The following PNPLA7 variants were observed in gnomAD, a reference collection of about 807,000 sequenced individuals.
The protein encoded by PNPLA7 is patatin like domain 7, lysophospholipase, also known as patatin-like phospholipase domain-containing protein 7.
Under a neutral mutation model 161.7 loss-of-function variants are expected in PNPLA7, and 153 were observed. The observed-to-expected ratio is 0.95, with a 90% CI of 0.83 to 1.08. The LOEUF is 1.08. Ranked by LOEUF, PNPLA7 falls within the 50% of genes least tolerant of loss-of-function variation. PNPLA7 has a pLI of 0.00. For missense variants in PNPLA7, 1,739 were observed against 1,856.6 expected, an observed-to-expected ratio of 0.94 and a Z score of 1.16; for synonymous variants, 809 against 782.1, an observed-to-expected ratio of 1.03 and a Z score of -0.57.
Position 137,480,970 on chromosome 9 carries a change from C to A in PNPLA7, c.2401G>T (p.Ala801Ser). The A allele has an allele frequency of 6.4e-7, 1 of 1,551,562 alleles. No individual in the cohort carries two copies. Among genetic ancestry groups the A allele is most frequent in the Non-Finnish European group, 8.7e-7 (1 of 1,146,938 alleles). ...GCTGGCGGCACGCACCTGTCCAGGG[C>A]AGCGGAGCCAAGGCGCCGTTTTATG... ...DNIKRRLGSAALDSVHEYRLS... is the reference protein window; with the variant it reads ...DNIKRRLGSASLDSVHEYRLS... The change falls in exon 22 of 35, where the codon GCC (alanine) becomes TCC (serine). Residue 801 changes from alanine (A) to serine (S), a missense_variant. By Grantham distance (99) the Ala-to-Ser change is moderately conservative. This residue lies in a region of PNPLA7 where 192 missense variants were observed against 249.5 expected (regional missense o/e 0.77). Coordinates refer to ENST00000406427, the MANE Select transcript of PNPLA7 (RefSeq NM_001098537.3).
At chr9:137,515,683 C>T (rs1834500502) in intron 11 of PNPLA7, among the ~76,000 whole-genome samples, 164 bp from the exon 12 acceptor site, 1 of 151,602 alleles carries the variant, frequency 6.6e-6, no homozygotes, top group African/African-American at 2.4e-5. Context: ...TCTGCCGGGC[C>T]AGCAGGTGAG....
At chr9:137,491,534 A>C (rs1832762958) in intron 20 of PNPLA7, 3 of 985,254 alleles carry the variant, frequency 3.0e-6, no homozygotes, top group Non-Finnish European at 3.6e-6. Flanking sequence ...TGTCCCCCAA[A>C]ATTCACAGTG....
intron 8 of PNPLA7, among the ~76,000 whole-genome samples, chr9:137,534,523 C>T (rs1333853943): frequency 6.6e-6 from 1 of 152,246 alleles, no homozygotes; most frequent in Non-Finnish European, 1.5e-5. Flanking sequence ...CAACCCAGTG[C>T]CACCACAGCA....
intron 8 of PNPLA7, among the ~76,000 whole-genome samples, chr9:137,527,293 AAAAAAAC>A (rs1835351537): frequency 1.5e-5 from 2 of 131,272 alleles, no homozygotes; most frequent in Admixed American, 7.3e-5. Flanking sequence ...ACAAAAAAAC[AAAAAAAC>A]AAAAAAAAAC....
At chr9:137,479,415 G>A in intron 23 of PNPLA7, 177 bp from the exon 24 acceptor site, 1 of 1,306,216 alleles carries the variant, frequency 7.7e-7, no homozygotes, top group Non-Finnish European at 9.7e-7. Context: ...TCTGACGGCA[G>A]GGGTCCATCC....
At chr9:137,463,068 G>A in intron 29 of PNPLA7, 3 of 636,766 alleles carry the variant, frequency 4.7e-6, no homozygotes, top group Non-Finnish European at 8.0e-6. Flanking sequence ...GGCCTGGCCT[G>A]GCCCCCAGCA....
At chr9:137,515,556 C>T (rs765915389) in intron 11 of PNPLA7, 37 bp from the exon 12 acceptor site, 20 of 1,500,250 alleles carry the variant, frequency 1.3e-5, no homozygotes, top group East Asian at 4.7e-5. Context: ...CTTGTTTGCA[C>T]GCACTCCCTG....
intron 26 of PNPLA7, among the ~76,000 whole-genome samples, chr9:137,466,821 A>G (rs56231361): frequency 0.028 from 2,818 of 101,904 alleles, 131 homozygotes; most frequent in African/African-American, 0.092. Context: ...GGATCAGACC[A>G]CCTCCCACCA....
intron 17 of PNPLA7, among the ~76,000 whole-genome samples, 167 bp downstream of exon 17, chr9:137,497,947 G>A (rs1223346659): frequency 6.6e-6 from 1 of 152,400 alleles, no homozygotes; most frequent in East Asian, 1.9e-4. Flanking sequence ...GCCACGAAGT[G>A]TGTTTCCGAG....
At position 137,515,427 on chromosome 9, in the gene PNPLA7, C is replaced by G; in HGVS notation, c.1177G>C (p.Glu393Gln). 6.2e-7 allele frequency: 1 copy of G among 1,604,094 alleles called. No individual in the cohort carries two copies. ...TCACCTGCCCCGGGCTTCTCCAGCTCCTCCAAGATCTGTTTGCGAATGGAA... is the reference window on the plus strand; with the variant it reads ...TCACCTGCCCCGGGCTTCTCCAGCTGCTCCAAGATCTGTTTGCGAATGGAA... The part of the protein sequence containing the change: ...APSIRKQILE[E>Q]LEKPGAGDPD... The change falls in exon 12 of 35, where the codon GAG becomes CAG. Residue 393 changes from glutamate to glutamine, a missense_variant. By Grantham distance (29) the Glu-to-Gln change is conservative. This residue lies in a region of PNPLA7 where 481 missense variants were observed against 450.0 expected (regional missense o/e 1.07). Transcript: ENST00000406427.
In PNPLA7 at chr9:137,461,644, C is replaced by A; in HGVS notation, c.3757-24G>T. 2.5e-6 allele frequency: 4 copies of A among 1,570,322 alleles called. No homozygotes were observed. The South Asian group carries it at 4.6e-5, about 18-fold the overall frequency. On this transcript the variant is annotated intron_variant, in intron 32 of 34. Transcript: ENST00000406427. ...ACCTAGGGGTGGGGTGAGGACAGCA[C>A]GTTGCCTGTGGACACCCGCCTGCCA...
In PNPLA7 at chr9:137,490,316, C is replaced by T. The variant is rs1474412169; in HGVS notation, c.2197+2697G>A. Among the ~76,000 whole-genome samples, 7 of 152,232 alleles carry T rather than the reference C, an allele frequency of 4.6e-5. No homozygotes were observed. Among genetic ancestry groups the T allele is most frequent in the African/African-American group, 1.4e-4 (6 of 41,522 alleles). On this transcript the variant is annotated intron_variant, in intron 20 of 34. Transcript: ENST00000406427. This position sits in a 1 kb window ranked among gnomAD's most constrained non-coding sequence, Gnocchi z 4.1. ...CTCACTATGTTGCCCGGGCTGGTCT[C>T]GAACTCTTGGGCTCAAATAATCCTC...
At chr9:137,509,931 T>C in intron 12 of PNPLA7, 1 of 326,692 alleles carries the variant, frequency 3.1e-6, no homozygotes, top group South Asian at 2.5e-5. Flanking sequence ...TTTATCCCAA[T>C]ATTATAATAA....
Position 137,500,494 on chromosome 9 carries a change from G to A in PNPLA7, c.1757+197C>T, listed in dbSNP as rs560156867. 1.1e-4 allele frequency among the ~76,000 whole-genome samples: 16 copies of A among 152,286 alleles called. No homozygotes were observed. The South Asian group carries it at 2.1e-3, about 20-fold the overall frequency. ...ACGGCCGTGCGAAGCTGATCGCTGCGGGCAGGTGGGGTCGGCTGACTGAGC... is the reference window on the plus strand; with the variant it reads ...ACGGCCGTGCGAAGCTGATCGCTGCAGGCAGGTGGGGTCGGCTGACTGAGC... On this transcript the variant is annotated intron_variant, in intron 16 of 34. Transcript: ENST00000406427. The surrounding 1 kb of genome is among the most constrained non-coding windows in gnomAD (Gnocchi z 5.5).
At chr9:137,465,981 T>A (rs1235934812) in intron 26 of PNPLA7, among the ~76,000 whole-genome samples, 1 of 152,184 alleles carries the variant, frequency 6.6e-6, no homozygotes, top group Non-Finnish European at 1.5e-5. Flanking sequence ...AATCCATTTA[T>A]CACAAGGCCA....
chr9:137,523,382 AGG>A lies in PNPLA7; in HGVS notation c.748-527_748-526del, dbSNP rs1296858883. 1.3e-5 allele frequency among the ~76,000 whole-genome samples: 2 copies of A among 152,128 alleles called. No individual in the cohort carries two copies. The highest frequency in any genetic ancestry group is 2.9e-5 in the Non-Finnish European group (2 of 68,020). On this transcript the variant is annotated intron_variant, in intron 8 of 34. Coordinates refer to ENST00000406427, the MANE Select transcript of PNPLA7 (RefSeq NM_001098537.3). The surrounding 1 kb of genome is among the most constrained non-coding windows in gnomAD (Gnocchi z 4.4). Reference sequence around the variant, plus strand: ...TGCCGGGTCGCACGAGGCCCAGGTGAGGAGCCACAGTGGCTCACCGCGTGGAT... The same window carrying A: ...TGCCGGGTCGCACGAGGCCCAGGTGAAGCCACAGTGGCTCACCGCGTGGAT...
In PNPLA7 at chr9:137,468,178, AGCACCCCCGAGACCAGGGG is replaced by A. The variant is rs1355096778; in HGVS notation, c.2883-724_2883-706del. On this transcript the variant is annotated intron_variant, in intron 25 of 34. Transcript: ENST00000406427. This position sits in a 1 kb window ranked among gnomAD's most constrained non-coding sequence, Gnocchi z 4.0. ...TAGACCAGCACCCATGAGACCAGGG[AGCACCCCCGAGACCAGGGG>A]GCACCCCCGAGACCAGGCAGCCGGC... Among the ~76,000 whole-genome samples, 1 of 151,716 alleles carries A rather than the reference AGCACCCCCGAGACCAGGGG, an allele frequency of 6.6e-6. No individual in the cohort carries two copies. Among genetic ancestry groups the A allele is most frequent in the Non-Finnish European group, 1.5e-5 (1 of 67,844 alleles).
intron 1 of PNPLA7, among the ~76,000 whole-genome samples, chr9:137,548,846 G>A (rs1836686877): frequency 6.6e-6 from 1 of 152,196 alleles, no homozygotes. Context: ...CCAGAAAGCT[G>A]AGCCCTTCGA....
intron 12 of PNPLA7, among the ~76,000 whole-genome samples, chr9:137,514,070 A>G (rs1177058397): frequency 1.0e-3 from 122 of 117,854 alleles, no homozygotes; most frequent in South Asian, 2.0e-3. Flanking sequence ...GGGTCACCTG[A>G]CTGTTGAGGT....
Sources: gnomAD v4.1 joint callset for allele counts (sites outside exome capture counted in the v4.1 genomes callset) on GRCh38, gnomAD v4.1.1 for gene constraint, gnomAD v4.1.1 regional missense constraint, Gnocchi (gnomAD v3.1) non-coding constraint, MANE v1.5 for transcripts, NCBI Gene and HGNC (gene_info 2026-07-23, HGNC 2026-07-21) for gene names.